The following YTHDC2 variants were observed in gnomAD, a reference collection of about 807,000 sequenced individuals.
The protein encoded by YTHDC2 is 3'-5' RNA helicase YTHDC2.
YTHDC2 carries 45 observed loss-of-function variants against 174.9 expected under a neutral mutation model. That is an observed-to-expected ratio of 0.26 (90% confidence interval 0.20 to 0.33). The LOEUF (loss-of-function observed/expected upper bound fraction) is 0.33, where lower values mean the gene tolerates loss of function less well. Among genes scored for constraint, YTHDC2 ranks in the 10% least tolerant of loss-of-function variants. YTHDC2 has a pLI of 1.00. For missense variants in YTHDC2, 1,650 were observed against 1,723.7 expected, an observed-to-expected ratio of 0.96 and a Z score of 0.76; for synonymous variants, 657 against 574.5, an observed-to-expected ratio of 1.14 and a Z score of -2.05.
chr5:113,517,111 A>G (rs1015807369), intron 2 of YTHDC2, among the ~76,000 whole-genome samples: 3 of 152,228 alleles, frequency 2.0e-5, no homozygotes, highest in Non-Finnish European at 4.4e-5. Flanking sequence ...AATATGTTGT[A>G]TAATCTACCT....
In YTHDC2 at chr5:113,521,691, A is replaced by G. The variant is rs370159423; in HGVS notation, c.279-3290A>G. ...GGTTGCAGTGAGCCGAGATCGTGCC[A>G]CTGCACTCCAGCCTGGGTAGCAAAG... On this transcript the variant is annotated intron_variant, in intron 2 of 29. Coordinates refer to ENST00000161863, the MANE Select transcript of YTHDC2 (RefSeq NM_022828.5). 7.3e-5 allele frequency among the ~76,000 whole-genome samples: 11 copies of G among 151,546 alleles called. No individual in the cohort carries two copies. The South Asian group carries it at 2.1e-3, about 29-fold the overall frequency.
intron 3 of YTHDC2, among the ~76,000 whole-genome samples, chr5:113,525,421 T>G (rs571326778): frequency 6.6e-6 from 1 of 152,086 alleles, no homozygotes; most frequent in Non-Finnish European, 1.5e-5. Flanking sequence ...TTACTGAGCA[T>G]TAACTGTGTA....
At chr5:113,514,401 T>TGA in intron 1 of YTHDC2, 15 of 546,914 alleles carry the variant, frequency 2.7e-5, no homozygotes, top group Non-Finnish European at 4.2e-5. Flanking sequence ...GCCCTAACCC[T>TGA]TTTTAAGGGG....
intron 23 of YTHDC2, among the ~76,000 whole-genome samples, chr5:113,572,651 G>A (rs1454288292): frequency 2.0e-5 from 3 of 152,208 alleles, no homozygotes; most frequent in Non-Finnish European, 4.4e-5. Flanking sequence ...GGGTGCTCCT[G>A]TATTAGCTTG....
At chr5:113,537,075 T>C (rs919584804) in intron 7 of YTHDC2, among the ~76,000 whole-genome samples, 4 of 152,212 alleles carry the variant, frequency 2.6e-5, no homozygotes, top group African/African-American at 9.6e-5. Flanking sequence ...AACAATGTTA[T>C]AATGAACATC....
chr5:113,526,811 G>GAA lies in YTHDC2; in HGVS notation c.675+41_675+42dup, dbSNP rs58260423. ...GTTTGTTTCTTTTTTGTTGTTTATAGAAAAAAAAAAAAAAAATATATATAT... is the reference window on the plus strand; with the variant it reads ...GTTTGTTTCTTTTTTGTTGTTTATAGAAAAAAAAAAAAAAAAAATATATATAT... On this transcript the variant is annotated intron_variant, in intron 4 of 29. Transcript: ENST00000161863. 1.3e-3 allele frequency: 328 copies of GAA among 260,506 alleles called. 1 individual carries two copies. Among genetic ancestry groups the GAA allele is most frequent in the Middle Eastern group, 7.1e-3 (4 of 566 alleles). 16.1% of individuals were successfully genotyped at this position (260,506 alleles called of 1,614,324 possible).
Position 113,581,633 on chromosome 5 carries a change from TCA to T in YTHDC2, c.3572_3573del (p.Ser1191PhefsTer6). The T allele has an allele frequency of 6.2e-7, 1 of 1,613,232 alleles. No homozygotes were observed. Among genetic ancestry groups the T allele is most frequent in the South Asian group, 1.1e-5 (1 of 90,880 alleles). On this transcript the variant is annotated frameshift_variant, in exon 25 of 30. Transcript: ENST00000161863. LOFTEE classifies it high-confidence loss of function. ...PMSSEELPLA[S>X]SWRSNNSRKS... is the part of the protein sequence containing the mutation. ...GTCTTCAGAAGAGCTTCCTTTGGCC[TCA>T]TCTTGGAGGTCAAATAATAGTAGGA...
intron 23 of YTHDC2, among the ~76,000 whole-genome samples, chr5:113,568,399 C>G (rs1777494336): frequency 6.6e-6 from 1 of 152,138 alleles, no homozygotes; most frequent in African/African-American, 2.4e-5. Flanking sequence ...GGTACATGTG[C>G]AAGATGTGCA....
chr5:113,567,697 C>G lies in YTHDC2; in HGVS notation c.3092C>G (p.Pro1031Arg). 1 of 1,607,384 alleles carries G rather than the reference C, an allele frequency of 6.2e-7. No individual in the cohort carries two copies. Among genetic ancestry groups the G allele is most frequent in the East Asian group, 2.2e-5 (1 of 44,466 alleles). ...CAAGCTGCAGCAATTAAGGCACTGC[C>G]CACAGATTGGCTTATTTATGATGAA... ...NGQAAAIKALPTDWLIYDEMT... is the reference protein window; with the variant it reads ...NGQAAAIKALRTDWLIYDEMT... The change falls in exon 23 of 30, where the codon CCC (proline) becomes CGC (arginine). Residue 1031 changes from proline (P) to arginine (R), a missense_variant. By Grantham distance (103) the Pro-to-Arg change is moderately radical. Coordinates refer to ENST00000161863, the MANE Select transcript of YTHDC2 (RefSeq NM_022828.5).
intron 4 of YTHDC2, among the ~76,000 whole-genome samples, chr5:113,531,255 A>G (rs995095631): frequency 6.6e-6 from 1 of 152,190 alleles, no homozygotes; most frequent in Admixed American, 6.5e-5. Flanking sequence ...GATGAGAGAC[A>G]TACACTGACA....
At chr5:113,560,674 C>A (rs1393159063) in intron 17 of YTHDC2, among the ~76,000 whole-genome samples, 1 of 152,170 alleles carries the variant, frequency 6.6e-6, no homozygotes, top group African/African-American at 2.4e-5. Flanking sequence ...ATGGCATTCC[C>A]TTGGAGCTGT....
At chr5:113,525,457 A>G (rs2112549908) in intron 3 of YTHDC2, among the ~76,000 whole-genome samples, 1 of 152,132 alleles carries the variant, frequency 6.6e-6, no homozygotes, top group Admixed American at 6.5e-5. Flanking sequence ...AACCCTTTAT[A>G]TGGGGCCTCC....
intron 5 of YTHDC2, among the ~76,000 whole-genome samples, chr5:113,533,972 A>G (rs1480505757): frequency 6.6e-6 from 1 of 152,166 alleles, no homozygotes; most frequent in Non-Finnish European, 1.5e-5. Flanking sequence ...TGCCTTCTTG[A>G]CAAGTAGTAC....
At chr5:113,520,456 G>T (rs1435051374) in intron 2 of YTHDC2, among the ~76,000 whole-genome samples, 1 of 151,570 alleles carries the variant, frequency 6.6e-6, no homozygotes, top group Non-Finnish European at 1.5e-5. Context: ...ATTTAAACTG[G>T]GTTTTCCCAA....
intron 19 of YTHDC2, 74 bp downstream of exon 19, chr5:113,563,566 A>G: frequency 1.4e-6 from 2 of 1,452,442 alleles, no homozygotes; most frequent in Non-Finnish European, 1.9e-6. Flanking sequence ...ATATGTCTTA[A>G]CTAATTTTGT....
At chr5:113,567,322 G>C in intron 22 of YTHDC2, 25 bp downstream of exon 22, 8 of 1,571,812 alleles carry the variant, frequency 5.1e-6, no homozygotes, top group Non-Finnish European at 6.9e-6. Context: ...ATGCTGTTGG[G>C]TTTTGAGGTG....
rs1561638791 is a variant in YTHDC2 at position 113,534,305 on chromosome 5, G to A, written c.843G>A (p.Arg281=). 1.5e-5 allele frequency: 24 copies of A among 1,607,846 alleles called. No homozygotes were observed. Among genetic ancestry groups the A allele is most frequent in the Admixed American group, 3.4e-5 (2 of 59,624 alleles). The change falls in exon 6 of 30, where the codon AGG becomes AGA. Residue 281 remains arginine, a splice_region_variant and synonymous_variant. Transcript: ENST00000161863. Reference sequence around the variant, plus strand: ...CTTTGTTTTGCTTTTTTTTTAAAAGGGTTTCTCCAAAGACACTTCTGACAT... The same window carrying A: ...CTTTGTTTTGCTTTTTTTTTAAAAGAGTTTCTCCAAAGACACTTCTGACAT... ...TIGYQIRLES[R]VSPKTLLTFC...
chr5:113,531,160 C>T (rs1774630976), intron 4 of YTHDC2, among the ~76,000 whole-genome samples: 1 of 152,024 alleles, frequency 6.6e-6, no homozygotes, highest in African/African-American at 2.4e-5. Context: ...CACTTATCTT[C>T]TCTTTTAAAA....
At position 113,513,720 on chromosome 5, in the gene YTHDC2, G is replaced by A. The variant is rs1284128896; in HGVS notation, c.-176G>A. 1.5e-6 allele frequency: 1 copy of A among 679,354 alleles called. No individual in the cohort carries two copies. Among genetic ancestry groups the A allele is most frequent in the African/African-American group, 1.9e-5 (1 of 51,818 alleles). The allele number at this position is 679,354 out of a possible 1,614,324, so 42.1% of individuals were successfully genotyped here. A position where few individuals can be genotyped will look rare whatever the true frequency, so the allele number is the denominator to read the frequency against. ...CTCCTCGCCTGGCCGTGATATCAAT[G>A]GCGCAGGCTTCACTTCTGCTGTGGC... On this transcript the variant is annotated 5_prime_UTR_variant, in exon 1 of 30. The change abolishes an upstream ATG in the 5' untranslated region. Transcript: ENST00000161863.
Sources: gnomAD v4.1 joint callset for allele counts (sites outside exome capture counted in the v4.1 genomes callset) on GRCh38, gnomAD v4.1.1 for gene constraint, MANE v1.5 for transcripts, NCBI Gene and HGNC (gene_info 2026-07-23, HGNC 2026-07-21) for gene names.